Variants in KCNH1 observed in about 807,000 individuals in gnomAD.
KCNH1 encodes the protein voltage-gated delayed rectifier potassium channel KCNH1.
In KCNH1, 27 loss-of-function variants were observed where a neutral mutation model predicts 69.2. The observed-to-expected ratio is 0.39, with a 90% CI of 0.29 to 0.54. The LOEUF is 0.54. Ranked by LOEUF, KCNH1 falls within the 20% of genes least tolerant of loss-of-function variation. KCNH1 has a pLI of 0.68. For synonymous variants in KCNH1, 456 were observed against 487.7 expected (o/e 0.93, Z 0.86); for missense variants, 798 against 1,261.6 (o/e 0.63, Z 5.57).
chr1:210,964,784 C>T (rs1441584904), intron 6 of KCNH1, among the ~76,000 whole-genome samples: 1 of 152,070 alleles, frequency 6.6e-6, no homozygotes, highest in Non-Finnish European at 1.5e-5. Context: ...CAAAACCTGG[C>T]AGAGACACAA....
intron 3 of KCNH1, among the ~76,000 whole-genome samples, chr1:211,096,969 C>T (rs1173076688): frequency 6.6e-6 from 1 of 152,206 alleles, no homozygotes; most frequent in Non-Finnish European, 1.5e-5. Context: ...TGGTTTACTT[C>T]TCACAATGAC....
At chr1:210,944,987 A>G (rs2102592354) in intron 6 of KCNH1, among the ~76,000 whole-genome samples, 1 of 152,252 alleles carries the variant, frequency 6.6e-6, no homozygotes, top group South Asian at 2.1e-4. Context: ...TATTCTAGAA[A>G]CCTATATAAG....
At chr1:210,821,532 C>T (rs1372331545) in intron 7 of KCNH1, among the ~76,000 whole-genome samples, 1 of 152,108 alleles carries the variant, frequency 6.6e-6, no homozygotes, top group African/African-American at 2.4e-5. Context: ...TGGCCACGAT[C>T]ATCTTGGTGG....
At chr1:210,793,513 T>C (rs1684250408) in intron 9 of KCNH1, among the ~76,000 whole-genome samples, 1 of 152,262 alleles carries the variant, frequency 6.6e-6, no homozygotes, top group African/African-American at 2.4e-5. Context: ...TTCTTTAAAA[T>C]ACTTTCCTTA....
chr1:210,839,708 G>A (rs1685365236), intron 7 of KCNH1, among the ~76,000 whole-genome samples: 1 of 152,154 alleles, frequency 6.6e-6, no homozygotes, highest in Non-Finnish European at 1.5e-5. Context: ...CAGGACAGAA[G>A]AACTTTATAT....
chr1:211,039,080 C>T (rs1428578619), intron 5 of KCNH1, among the ~76,000 whole-genome samples: 1 of 152,190 alleles, frequency 6.6e-6, no homozygotes, highest in African/African-American at 2.4e-5. Flanking sequence ...GGGCTGGGCC[C>T]AGGGTCCCTG....
intron 10 of KCNH1, among the ~76,000 whole-genome samples, chr1:210,748,003 G>A (rs912321281): frequency 6.6e-6 from 1 of 152,230 alleles, no homozygotes; most frequent in Non-Finnish European, 1.5e-5. Flanking sequence ...GCCAATGCAC[G>A]TGTGTGTGTT....
At chr1:210,742,298 A>G (rs1196162609) in intron 10 of KCNH1, among the ~76,000 whole-genome samples, 3 of 152,210 alleles carry the variant, frequency 2.0e-5, no homozygotes, top group Non-Finnish European at 2.9e-5. Context: ...CCATTCATTC[A>G]AGGTGATTTG....
chr1:210,860,198 G>A (rs1276070879), intron 7 of KCNH1: 7 of 1,298,368 alleles, frequency 5.4e-6, no homozygotes, highest in Non-Finnish European at 7.8e-6. Flanking sequence ...TTATAAAGGA[G>A]GGGCATCATA....
intron 6 of KCNH1, among the ~76,000 whole-genome samples, chr1:210,992,028 C>A (rs1409221397): frequency 6.6e-6 from 1 of 152,134 alleles, no homozygotes; most frequent in Non-Finnish European, 1.5e-5. Flanking sequence ...GGATCAAGTA[C>A]CTTTGTGAGG....
At chr1:210,906,276 T>C (rs924569) in intron 7 of KCNH1, among the ~76,000 whole-genome samples, 47,645 of 152,024 alleles carry the variant, frequency 0.31, 8,029 homozygotes, top group African/African-American at 0.44. Flanking sequence ...AGTAATTTCA[T>C]ATGGAGCAAG....
intron 9 of KCNH1, among the ~76,000 whole-genome samples, chr1:210,795,962 A>ACAC (rs1558472980): frequency 0.02 from 2,725 of 136,064 alleles, 60 homozygotes; most frequent in Non-Finnish European, 0.028. Context: ...CTCTACTAAA[A>ACAC]ACACACACAC....
chr1:210,921,691 AG>A (rs1290100896), intron 6 of KCNH1, among the ~76,000 whole-genome samples: 1 of 152,176 alleles, frequency 6.6e-6, no homozygotes, highest in Non-Finnish European at 1.5e-5. Flanking sequence ...GTTAATAATA[AG>A]TGTGTTTTCT....
intron 7 of KCNH1, among the ~76,000 whole-genome samples, chr1:210,855,512 G>T (rs1685814659): frequency 6.6e-6 from 1 of 152,194 alleles, no homozygotes; most frequent in African/African-American, 2.4e-5. Context: ...TGATTTTTAG[G>T]ATGTGGCCTT....
intron 10 of KCNH1, among the ~76,000 whole-genome samples, chr1:210,716,466 C>T (rs902998579): frequency 1.4e-5 from 2 of 146,822 alleles, no homozygotes; most frequent in Non-Finnish European, 3.0e-5. Context: ...ACACAACCAT[C>T]TAGACTTTTC....
intron 7 of KCNH1, among the ~76,000 whole-genome samples, chr1:210,862,887 C>A (rs1408571458): frequency 1.3e-5 from 2 of 152,124 alleles, no homozygotes; most frequent in African/African-American, 4.8e-5. Flanking sequence ...AATGTACAAA[C>A]CAATAGGAGT....
chr1:210,861,540 T>C lies in KCNH1; in HGVS notation c.1463-57374A>G, dbSNP rs1196890287. 5.2e-6 allele frequency: 4 copies of C among 772,420 alleles called. No individual in the cohort carries two copies. In the African/African-American group the frequency reaches 6.8e-5, roughly 13 times the overall value. 47.8% of individuals were successfully genotyped at this position (772,420 alleles called of 1,614,324 possible). ...AACTCAGGTCGGTCATCTTCTTCAA[T>C]TCGAAGTGTTTCAGTCTTTAAAATT... is the stretch of plus-strand genomic sequence containing the variant. On this transcript the variant is annotated intron_variant, in intron 7 of 10. Transcript: ENST00000271751.
chr1:211,107,738 C>A (rs1327205489), intron 1 of KCNH1, among the ~76,000 whole-genome samples: 2 of 152,092 alleles, frequency 1.3e-5, no homozygotes, highest in African/African-American at 2.4e-5. Context: ...AAGAGAGAGC[C>A]CAAAAGTAAT....
rs1689115312 is a variant in KCNH1 at position 210,999,140 on chromosome 1, A to G, written c.1032+19643T>C. ...AGAGCAAACTCATTCAAAAGCTAGCAGAAGACAAGAAATAACTAAGATCAG... is the reference window on the plus strand; with the variant it reads ...AGAGCAAACTCATTCAAAAGCTAGCGGAAGACAAGAAATAACTAAGATCAG... On this transcript the variant is annotated intron_variant, in intron 6 of 10. Transcript: ENST00000271751. 3.3e-5 allele frequency among the ~76,000 whole-genome samples: 5 copies of G among 152,336 alleles called. No homozygotes were observed. The South Asian group carries it at 1.0e-3, about 32-fold the overall frequency.
Sources: allele counts gnomAD v4.1 joint callset (sites outside exome capture counted in the v4.1 genomes callset), GRCh38; gene constraint gnomAD v4.1.1; transcripts MANE v1.5; gene names NCBI Gene and HGNC (gene_info 2026-07-23, HGNC 2026-07-21).